Variants in HDAC9 observed in about 807,000 individuals in gnomAD.
HDAC9 encodes the protein histone deacetylase 9.
In HDAC9, 41 loss-of-function variants were observed where a neutral mutation model predicts 139.4. That is an observed-to-expected ratio of 0.29 (90% confidence interval 0.23 to 0.38). HDAC9 has a LOEUF of 0.38. Among genes scored for constraint, HDAC9 ranks in the 10% least tolerant of loss-of-function variants. The probability of loss-of-function intolerance (pLI) is 1.00; values close to 1 mark genes in which losing one functional copy is unlikely to be tolerated. For synonymous variants in HDAC9, 517 were observed against 476.2 expected (o/e 1.09, Z -1.12); for missense variants, 1,147 against 1,297.0 (o/e 0.88, Z 1.78).
At chr7:18,309,734 A>G (rs1799178010) in intron 1 of HDAC9, among the ~76,000 whole-genome samples, 2 of 152,330 alleles carry the variant, frequency 1.3e-5, no homozygotes, top group South Asian at 2.1e-4. Flanking sequence ...TCATGCCGTG[A>G]TGAGATTGTT....
At chr7:18,845,354 C>G (rs1796838803) in intron 21 of HDAC9, among the ~76,000 whole-genome samples, 1 of 152,064 alleles carries the variant, frequency 6.6e-6, no homozygotes, top group Non-Finnish European at 1.5e-5. Context: ...AAGAAATCCT[C>G]CCATTGTCAG....
intron 2 of HDAC9, chr7:18,162,558 C>T (rs930605514): frequency 3.5e-6 from 2 of 576,896 alleles, no homozygotes; most frequent in Non-Finnish European, 6.2e-6. Flanking sequence ...ATTTGATTTG[C>T]ATTGTAGTCT....
At chr7:18,306,924 CTCCCCTGGTCA>C (rs1798950898) in intron 1 of HDAC9, among the ~76,000 whole-genome samples, 1 of 152,156 alleles carries the variant, frequency 6.6e-6, no homozygotes, top group African/African-American at 2.4e-5. Flanking sequence ...ATGCAGCCAT[CTCCCCTGGTCA>C]TCTGAGCCAG....
intron 6 of HDAC9, 101 bp downstream of exon 6, chr7:18,594,130 G>C: frequency 8.0e-7 from 1 of 1,253,454 alleles, no homozygotes; most frequent in East Asian, 2.4e-5. Flanking sequence ...TTGAGTCGTA[G>C]ATAATATACC....
chr7:18,556,669 A>G (rs1464796891), intron 2 of HDAC9, among the ~76,000 whole-genome samples: 1 of 152,030 alleles, frequency 6.6e-6, no homozygotes, highest in African/African-American at 2.4e-5. Context: ...AAGTAAATTG[A>G]ATATTTTAAA....
At chr7:18,228,063 T>C (rs1057152224) in intron 2 of HDAC9, among the ~76,000 whole-genome samples, 4 of 152,210 alleles carry the variant, frequency 2.6e-5, no homozygotes, top group Admixed American at 2.6e-4. Flanking sequence ...ATCATGTGAA[T>C]TGAGTTTCTT....
At chr7:18,811,780 T>C (rs1049362939) in intron 17 of HDAC9, among the ~76,000 whole-genome samples, 5 of 151,640 alleles carry the variant, frequency 3.3e-5, no homozygotes, top group Non-Finnish European at 7.4e-5. Context: ...GGTATATGTT[T>C]ATATGTGTTT....
intron 22 of HDAC9, among the ~76,000 whole-genome samples, chr7:18,929,704 A>T (rs1392221433): frequency 1.3e-5 from 2 of 152,068 alleles, no homozygotes; most frequent in Non-Finnish European, 2.9e-5. Flanking sequence ...TTGGGAGGCA[A>T]AGGCTGGTGG....
At chr7:18,091,041 G>A (rs1474011322) in intron 1 of HDAC9, among the ~76,000 whole-genome samples, 2 of 152,172 alleles carry the variant, frequency 1.3e-5, no homozygotes, top group Admixed American at 1.3e-4. Context: ...GCAGAAGGAA[G>A]CATTGTAATT....
chr7:18,567,432 A>C (rs1177409603), intron 2 of HDAC9, among the ~76,000 whole-genome samples: 1 of 152,196 alleles, frequency 6.6e-6, no homozygotes, highest in Non-Finnish European at 1.5e-5. Flanking sequence ...AAGATTTATA[A>C]ATTCCAAGCA....
intron 14 of HDAC9, among the ~76,000 whole-genome samples, chr7:18,758,484 G>A (rs1005935987): frequency 5.3e-5 from 8 of 152,134 alleles, no homozygotes; most frequent in African/African-American, 1.7e-4. Context: ...AAGTGATTAC[G>A]TGGGAATATC....
At chr7:18,198,264 G>A (rs1297622534) in intron 2 of HDAC9, among the ~76,000 whole-genome samples, 3 of 151,788 alleles carry the variant, frequency 2.0e-5, no homozygotes, top group South Asian at 2.1e-4. Flanking sequence ...CTTAATACAG[G>A]ACCTAACCCC....
At chr7:18,789,906 C>T (rs936995219) in intron 16 of HDAC9, among the ~76,000 whole-genome samples, 3 of 152,032 alleles carry the variant, frequency 2.0e-5, no homozygotes, top group Non-Finnish European at 2.9e-5. Context: ...AGGAAGTGGC[C>T]CTCTTGATGC....
rs570648301 is a variant in HDAC9, at chr7:18,924,713, A to G, written c.2804-11096A>G. Among the ~76,000 whole-genome samples the G allele has an allele frequency of 7.8e-4, 118 of 152,166 alleles. 1 individual carries two copies. Among genetic ancestry groups the G allele is most frequent in the Non-Finnish European group, 1.2e-3 (79 of 68,042 alleles). The stretch of plus-strand genomic sequence containing the variant: ...TGAAGAATATACACATTGAGATTCA[A>G]TAGTAATATTTTCGTTGTTGTTTGT... On this transcript the variant is annotated intron_variant, in intron 22 of 25. Transcript: ENST00000686413.
intron 2 of HDAC9, among the ~76,000 whole-genome samples, chr7:18,544,179 A>T (rs1586869156): frequency 6.6e-6 from 1 of 152,202 alleles, no homozygotes; most frequent in African/African-American, 2.4e-5. Flanking sequence ...GCTGGCTTGG[A>T]TCTAGGTGAC....
chr7:18,614,598 T>G (rs898480899), intron 6 of HDAC9, among the ~76,000 whole-genome samples: 8 of 152,212 alleles, frequency 5.3e-5, no homozygotes, highest in Non-Finnish European at 2.9e-5. Flanking sequence ...TCTTCTTGTC[T>G]GATGCTTAGT....
intron 1 of HDAC9, among the ~76,000 whole-genome samples, chr7:18,151,346 T>G (rs1786764509): frequency 6.6e-6 from 1 of 152,184 alleles, no homozygotes; most frequent in South Asian, 2.1e-4. Flanking sequence ...CTTTACTCCA[T>G]TTGTTGAGAT....
intron 1 of HDAC9, among the ~76,000 whole-genome samples, chr7:18,374,199 GTATATA>G (rs371983993): frequency 4.2e-5 from 6 of 143,192 alleles, no homozygotes; most frequent in African/African-American, 1.0e-4. Flanking sequence ...ATGTATGTGT[GTATATA>G]TATATATATA....
In HDAC9 at chr7:18,647,803, G is replaced by A; in HGVS notation, c.1054G>A (p.Glu352Lys). Reference protein sequence around the residue: ...SQLNASNSLKEKQKCETQTLR... With the variant: ...SQLNASNSLKKKQKCETQTLR... ...AACACAGGCTTCGAATTCACTCAAAGAAAAGCAGAAGTGTGAGACGCAGAC... is the reference window on the plus strand; with the variant it reads ...AACACAGGCTTCGAATTCACTCAAAAAAAAGCAGAAGTGTGAGACGCAGAC... The change falls in exon 10 of 26, where the codon GAA becomes AAA. Residue 352 changes from glutamate to lysine, a missense_variant. Glu to Lys is a moderately conservative substitution (Grantham distance 56, BLOSUM62 1). Around this residue, in one of 7 missense-constraint regions of HDAC9, gnomAD observed 264 missense variants for 273.8 expected, o/e 0.96. Coordinates refer to ENST00000686413, the MANE Select transcript of HDAC9 (RefSeq NM_178425.4). 6.2e-7 allele frequency: 1 copy of A among 1,609,784 alleles called. No homozygotes were observed. Among genetic ancestry groups the A allele is most frequent in the Middle Eastern group, 1.7e-4 (1 of 6,046 alleles).
Sources: allele counts gnomAD v4.1 joint callset (sites outside exome capture counted in the v4.1 genomes callset), GRCh38; gene constraint gnomAD v4.1.1; regional missense constraint gnomAD v4.1.1; transcripts MANE v1.5; gene names NCBI Gene and HGNC (gene_info 2026-07-23, HGNC 2026-07-21).